Variants in PCDHGA4 observed in about 807,000 individuals in gnomAD.
The protein encoded by PCDHGA4 is protocadherin gamma-A4.
Under a neutral mutation model 54.6 loss-of-function variants are expected in PCDHGA4, and 38 were observed. The observed-to-expected ratio is 0.70, with a 90% CI of 0.54 to 0.91. The LOEUF (loss-of-function observed/expected upper bound fraction) is 0.91, where lower values mean the gene tolerates loss of function less well. Ranked by LOEUF, PCDHGA4 falls within the 40% of genes least tolerant of loss-of-function variation. The pLI, the probability that PCDHGA4 is intolerant of heterozygous loss-of-function variation, is 0.00. For missense variants in PCDHGA4, 1,298 were observed against 1,220.9 expected (o/e 1.06, Z -0.94); for synonymous variants, 511 against 512.9 (o/e 1.00, Z 0.05).
rs200545713 is a variant in PCDHGA4 at position 141,422,296 on chromosome 5, A to G, written c.2514+64675A>G. 133 of 1,550,704 alleles carry G rather than the reference A, an allele frequency of 8.6e-5. 1 individual carries two copies. The Admixed American group carries it at 2.1e-3, about 25-fold the overall frequency. ...AACTATCACCTCTTCTATTAATTCAATTCTGGAAAACTCTCCTCCAGGTAC... is the reference window on the plus strand; with the variant it reads ...AACTATCACCTCTTCTATTAATTCAGTTCTGGAAAACTCTCCTCCAGGTAC... On this transcript the variant is annotated intron_variant, in intron 1 of 3. Transcript: ENST00000571252.
In PCDHGA4 at chr5:141,357,315, G is replaced by A. The variant is rs983048420; in HGVS notation, c.2208G>A (p.Leu736=). The A allele has an allele frequency of 5.6e-6, 9 of 1,614,088 alleles. No individual in the cohort carries two copies. The highest frequency in any genetic ancestry group is 7.6e-6 in the Non-Finnish European group (9 of 1,179,946). ...VAVAAVSCVF[L]AFVTVLLALK... ...TGGCCGCTGTCTCCTGCGTCTTCCT[G>A]GCTTTTGTCACGGTGCTGCTAGCAC... Residue 736 remains leucine (L), a synonymous_variant, in exon 1 of 4, where the codon CTG becomes CTA. Transcript: ENST00000571252.
chr5:141,390,790 G>C (rs2092232072), intron 1 of PCDHGA4: 2 of 166,124 alleles, frequency 1.2e-5, no homozygotes, highest in Admixed American at 1.2e-4. Flanking sequence ...TGTTTCAAAA[G>C]CTCTTAGAAT....
At chr5:141,451,607 C>T (rs2154563647) in intron 1 of PCDHGA4, among the ~76,000 whole-genome samples, 1 of 152,288 alleles carries the variant, frequency 6.6e-6, no homozygotes, top group Non-Finnish European at 1.5e-5. Context: ...CAAGGCTAGG[C>T]ATGGTGGCTC....
chr5:141,423,219 T>G (rs775170753), intron 1 of PCDHGA4: 4 of 1,613,752 alleles, frequency 2.5e-6, no homozygotes, highest in Non-Finnish European at 3.4e-6. Context: ...TCACCGTGGC[T>G]GTGGCCGACA....
At chr5:141,376,453 T>C (rs779136467) in intron 1 of PCDHGA4, 2 of 1,614,048 alleles carry the variant, frequency 1.2e-6, no homozygotes, top group African/African-American at 2.7e-5. Flanking sequence ...AAAGCGAGCC[T>C]CTTCTGATAA....
rs368231432 is a variant in PCDHGA4 at position 141,374,734 on chromosome 5, C to T, written c.2514+17113C>T. On this transcript the variant is annotated intron_variant, in intron 1 of 3. Coordinates refer to ENST00000571252, the MANE Select transcript of PCDHGA4 (RefSeq NM_018917.4). ...GCCTGGTCCTTACTGCCATGGATGGCGGCGACCCTGTCCGCTCAAGCGTCG... is the reference window on the plus strand; with the variant it reads ...GCCTGGTCCTTACTGCCATGGATGGTGGCGACCCTGTCCGCTCAAGCGTCG... 43 of 1,610,046 alleles carry T rather than the reference C, an allele frequency of 2.7e-5. 2 individuals are homozygous for T. In the South Asian group the frequency reaches 4.2e-4, roughly 16 times the overall value.
Position 141,489,767 on chromosome 5 carries a change from G to T in PCDHGA4, c.2515-5040G>T, listed in dbSNP as rs2099691977. On this transcript the variant is annotated intron_variant, in intron 1 of 3. Transcript: ENST00000571252. This position sits in a 1 kb window ranked among gnomAD's most constrained non-coding sequence, Gnocchi z 4.5. ...AGCTTTTACACTCTAAGCCCCAACA[G>T]CCACTTCTCTCTGAATGTGAAGACC... The T allele has an allele frequency of 6.2e-7, 1 of 1,614,028 alleles. No homozygotes were observed. Among genetic ancestry groups the T allele is most frequent in the African/African-American group, 1.3e-5 (1 of 74,938 alleles).
chr5:141,510,529 A>G (rs2099881539), intron 3 of PCDHGA4, among the ~76,000 whole-genome samples: 2 of 152,242 alleles, frequency 1.3e-5, no homozygotes, highest in Admixed American at 6.5e-5. Flanking sequence ...CCCTGAGAGA[A>G]ATACCAGCGA....
chr5:141,428,001 T>C (rs149531447), intron 1 of PCDHGA4: 1 of 1,601,704 alleles, frequency 6.2e-7, no homozygotes, highest in Admixed American at 1.7e-5. Flanking sequence ...CTCCGCACTC[T>C]TCGATATAGT....
intron 1 of PCDHGA4, chr5:141,414,260 A>G: frequency 6.2e-7 from 1 of 1,613,444 alleles, no homozygotes; most frequent in Non-Finnish European, 8.5e-7. Context: ...CCAGTGACTG[A>G]AGATTCACCT....
chr5:141,470,872 TTTTTTG>T (rs900302332), intron 1 of PCDHGA4, among the ~76,000 whole-genome samples: 3 of 151,814 alleles, frequency 2.0e-5, no homozygotes, highest in African/African-American at 4.8e-5. Context: ...GTTTGTTTGT[TTTTTTG>T]TTTTTGTTTT....
chr5:141,429,572 T>C (rs1450720834), intron 1 of PCDHGA4, among the ~76,000 whole-genome samples: 1 of 152,226 alleles, frequency 6.6e-6, no homozygotes, highest in South Asian at 2.1e-4. Context: ...TTCAGTTACA[T>C]TTACTTTTGA....
intron 1 of PCDHGA4, chr5:141,409,547 G>A (rs760802690): frequency 1.2e-6 from 2 of 1,613,936 alleles, no homozygotes; most frequent in Non-Finnish European, 1.7e-6. Flanking sequence ...CAACGACAAC[G>A]CCCCAGTTTT....
intron 1 of PCDHGA4, chr5:141,427,703 C>T (rs529490424): frequency 1.0e-6 from 1 of 957,508 alleles, no homozygotes. Flanking sequence ...CACAAGTCAG[C>T]GCCTCTGACC....
intron 1 of PCDHGA4, among the ~76,000 whole-genome samples, chr5:141,437,913 T>G (rs1232481433): frequency 6.6e-6 from 1 of 152,138 alleles, no homozygotes; most frequent in East Asian, 1.9e-4. Context: ...AATTTTTGTA[T>G]TTTTAGTAGA....
intron 1 of PCDHGA4, chr5:141,407,948 G>T (rs978962452): frequency 7.0e-6 from 4 of 572,054 alleles, no homozygotes; most frequent in Non-Finnish European, 1.1e-5. Flanking sequence ...GCCGCTGTCG[G>T]CCAGTGCAGA....
chr5:141,394,493 C>T (rs749651115), intron 1 of PCDHGA4: 2 of 1,614,222 alleles, frequency 1.2e-6, no homozygotes, highest in Non-Finnish European at 1.7e-6. Flanking sequence ...ACAACGCGCC[C>T]GAGATCCTGT....
chr5:141,398,932 C>T (rs554339110), intron 1 of PCDHGA4: 1 of 1,613,900 alleles, frequency 6.2e-7, no homozygotes, highest in Non-Finnish European at 8.5e-7. Context: ...AGCCACTGAC[C>T]AAGACGAGGG....
At chr5:141,417,213 G>A (rs1470553702) in intron 1 of PCDHGA4, 2 of 152,108 alleles carry the variant, frequency 1.3e-5, no homozygotes, top group African/African-American at 4.8e-5. Context: ...GGCTAGAATT[G>A]AAGACAAAAA....
Sources: gnomAD v4.1 joint callset for allele counts (sites outside exome capture counted in the v4.1 genomes callset) on GRCh38, gnomAD v4.1.1 for gene constraint, Gnocchi (gnomAD v3.1) non-coding constraint, MANE v1.5 for transcripts, NCBI Gene and HGNC (gene_info 2026-07-23, HGNC 2026-07-21) for gene names.